The following NHERF1 variants were observed in gnomAD, a reference collection of about 807,000 sequenced individuals.
The protein encoded by NHERF1 is NHERF family PDZ scaffold protein 1.
chr17:74,748,781 G>A, the NHERF1 span: 23 of 1,403,168 alleles, frequency 1.6e-5, no homozygotes, highest in South Asian at 2.0e-4. This position sits in a 1 kb window ranked among gnomAD's most constrained non-coding sequence, Gnocchi z 4.3. Flanking sequence ...GGGAAGAAGG[G>A]CTGGGCCGTC....
chr17:74,755,393 G>GC, the NHERF1 span, among the ~76,000 whole-genome samples: 3 of 152,110 alleles, frequency 2.0e-5, no homozygotes, highest in Admixed American at 1.3e-4. Flanking sequence ...TGCACAGAGA[G>GC]CCCCCCTCAA....
chr17:74,756,315 A>G, the NHERF1 span, among the ~76,000 whole-genome samples: 62,187 of 118,936 alleles, frequency 0.52, 15,111 homozygotes, highest in Admixed American at 0.56. Flanking sequence ...GCCTTGCTCT[A>G]TCACCCAGGC....
chr17:74,749,752 G>A, the NHERF1 span, among the ~76,000 whole-genome samples: 70 of 152,340 alleles, frequency 4.6e-4, 1 homozygote, highest in Admixed American at 1.4e-3. The surrounding 1 kb of genome is among the most constrained non-coding windows in gnomAD (Gnocchi z 5.6). Context: ...AAAGCTAGAG[G>A]AATAGCATTA....
the NHERF1 span, among the ~76,000 whole-genome samples, chr17:74,755,625 C>T: frequency 3.9e-5 from 6 of 152,270 alleles, no homozygotes; most frequent in Admixed American, 6.5e-5. Flanking sequence ...CTGAATTCTC[C>T]GAGACAGGCT....
the NHERF1 span, chr17:74,768,826 T>C: frequency 1.6e-6 from 1 of 638,714 alleles, no homozygotes; most frequent in Non-Finnish European, 2.7e-6. Flanking sequence ...TTAGGGAAGG[T>C]GAATGTGTTC....
chr17:74,749,949 G>T, the NHERF1 span, among the ~76,000 whole-genome samples: 1 of 152,236 alleles, frequency 6.6e-6, no homozygotes, highest in East Asian at 1.9e-4. The surrounding 1 kb of genome is among the most constrained non-coding windows in gnomAD (Gnocchi z 5.6). Flanking sequence ...AGGCATCTCG[G>T]AGTGGTGGTT....
At chr17:74,762,970 G>C in the NHERF1 span, 1 of 182,448 alleles carries the variant, frequency 5.5e-6, no homozygotes, top group Admixed American at 5.6e-5. The surrounding 1 kb of genome is among the most constrained non-coding windows in gnomAD (Gnocchi z 4.2). Flanking sequence ...TAGAACCTTA[G>C]AGCTAGAGAT....
the NHERF1 span, among the ~76,000 whole-genome samples, chr17:74,754,143 A>T: frequency 6.6e-6 from 1 of 151,984 alleles, no homozygotes; most frequent in African/African-American, 2.4e-5. Context: ...CAGCCCGAGC[A>T]GCAGAGTGAG....
the NHERF1 span, chr17:74,768,764 A>C: frequency 7.8e-6 from 7 of 893,930 alleles, no homozygotes; most frequent in Non-Finnish European, 1.1e-5. Flanking sequence ...CAGCACCCAC[A>C]TCCCCTTTCT....
chr17:74,756,845 T>C, the NHERF1 span, among the ~76,000 whole-genome samples: 3 of 151,862 alleles, frequency 2.0e-5, no homozygotes, highest in Non-Finnish European at 2.9e-5. Flanking sequence ...TAACACATAG[T>C]AGGTGTTCAG....
At chr17:74,750,914 T>G in the NHERF1 span, among the ~76,000 whole-genome samples, 2 of 152,066 alleles carry the variant, frequency 1.3e-5, no homozygotes, top group African/African-American at 2.4e-5. Flanking sequence ...TTGAGCTTCC[T>G]GGGTGAGCAC....
chr17:74,760,566 C>G, the NHERF1 span, among the ~76,000 whole-genome samples: 1 of 152,112 alleles, frequency 6.6e-6, no homozygotes, highest in African/African-American at 2.4e-5. This position sits in a 1 kb window ranked among gnomAD's most constrained non-coding sequence, Gnocchi z 4.5. Flanking sequence ...GGACAGAGGC[C>G]CATAAGCCCT....
chr17:74,766,999 T>C, the NHERF1 span: 202 of 1,610,882 alleles, frequency 1.3e-4, no homozygotes, highest in Non-Finnish European at 1.6e-4. Flanking sequence ...CCCCTGTCTC[T>C]TTGGATTTCA....
the NHERF1 span, chr17:74,768,314 G>C: frequency 7.2e-7 from 1 of 1,393,582 alleles, no homozygotes; most frequent in South Asian, 1.2e-5. Flanking sequence ...TGGCACACCA[G>C]CCTGCCTTTG....
At chr17:74,757,588 C>T in the NHERF1 span, among the ~76,000 whole-genome samples, 4 of 151,440 alleles carry the variant, frequency 2.6e-5, 1 homozygote, top group Non-Finnish European at 5.9e-5. Flanking sequence ...CCAGGCTGCC[C>T]GTCACACAGC....
chr17:74,755,579 G>A, the NHERF1 span, among the ~76,000 whole-genome samples: 1 of 152,212 alleles, frequency 6.6e-6, no homozygotes, highest in South Asian at 2.1e-4. Context: ...ATGCTGGCCA[G>A]GTTCAAGTCC....
chr17:74,764,780 C>A, the NHERF1 span, among the ~76,000 whole-genome samples: 1 of 152,214 alleles, frequency 6.6e-6, no homozygotes, highest in Non-Finnish European at 1.5e-5. This position sits in a 1 kb window ranked among gnomAD's most constrained non-coding sequence, Gnocchi z 4.9. Context: ...TCCAGGATGG[C>A]ATCCTCACCC....
chr17:74,766,431 A>G, the NHERF1 span, among the ~76,000 whole-genome samples: 6,854 of 151,936 alleles, frequency 0.045, 240 homozygotes, highest in Admixed American at 0.12. Context: ...TCAAACTCCT[A>G]ACCTCAAGTG....
the NHERF1 span, among the ~76,000 whole-genome samples, chr17:74,758,755 C>T: frequency 2.0e-5 from 3 of 152,204 alleles, no homozygotes; most frequent in Non-Finnish European, 4.4e-5. The surrounding 1 kb of genome is among the most constrained non-coding windows in gnomAD (Gnocchi z 4.3). Context: ...TCCCCAGAGG[C>T]AGAACCCAGC....
Sources: gnomAD v4.1 joint callset for allele counts (sites outside exome capture counted in the v4.1 genomes callset) on GRCh38, gnomAD v4.1.1 for gene constraint, Gnocchi (gnomAD v3.1) non-coding constraint, MANE v1.5 for transcripts, NCBI Gene and HGNC (gene_info 2026-07-23, HGNC 2026-07-21) for gene names.